Variants in SLC12A3 observed in about 807,000 individuals in gnomAD.
SLC12A3 encodes the protein Na-Cl cotransporter.
Under a neutral mutation model 121.0 loss-of-function variants are expected in SLC12A3, and 104 were observed. That is an observed-to-expected ratio of 0.86 (90% CI 0.73 to 1.01). The LOEUF (loss-of-function observed/expected upper bound fraction) is 1.01, where lower values mean the gene tolerates loss of function less well. Among genes scored for constraint, SLC12A3 ranks in the 50% least tolerant of loss-of-function variants. SLC12A3 has a pLI of 0.00. For missense variants in SLC12A3, 1,328 were observed against 1,356.3 expected, an observed-to-expected ratio of 0.98 and a Z score of 0.33; for synonymous variants, 536 against 533.4, an observed-to-expected ratio of 1.00 and a Z score of -0.07.
intron 18 of SLC12A3, among the ~76,000 whole-genome samples, chr16:56,889,771 G>A (rs937948272): frequency 6.6e-6 from 1 of 152,272 alleles, no homozygotes; most frequent in South Asian, 2.1e-4. Flanking sequence ...CACTGCGCCC[G>A]GCCTCCAGAC....
intron 24 of SLC12A3, among the ~76,000 whole-genome samples, chr16:56,903,675 C>T (rs374091171): frequency 2.0e-5 from 3 of 152,306 alleles, no homozygotes; most frequent in East Asian, 1.9e-4. Flanking sequence ...CATCCGTCCA[C>T]GATCAGTTCC....
Position 56,899,792 on chromosome 16 carries a change from T to A in SLC12A3, c.2720+176T>A, listed in dbSNP as rs534306792. 5.9e-5 allele frequency among the ~76,000 whole-genome samples: 9 copies of A among 152,340 alleles called. No homozygotes were observed. In the South Asian group the frequency reaches 1.9e-3, roughly 32 times the overall value. On this transcript the variant is annotated intron_variant, in intron 23 of 25. Transcript: ENST00000563236. Reference sequence around the variant, plus strand: ...GTGGCTGTGGCCGGGGCCTGTCCCCTCCCTGGGGCTGAGGGGACCACAGGG... The same window carrying A: ...GTGGCTGTGGCCGGGGCCTGTCCCCACCCTGGGGCTGAGGGGACCACAGGG...
intron 25 of SLC12A3, among the ~76,000 whole-genome samples, chr16:56,911,763 G>A (rs748845964): frequency 3.3e-4 from 51 of 152,312 alleles, no homozygotes; most frequent in African/African-American, 1.2e-3. Flanking sequence ...AGGCTGCTGC[G>A]GAGGGAAGAT....
chr16:56,873,520 GGGATT>G (rs1490114100), intron 8 of SLC12A3, among the ~76,000 whole-genome samples: 1 of 148,966 alleles, frequency 6.7e-6, no homozygotes, highest in Non-Finnish European at 1.5e-5. Flanking sequence ...CTGAGTAGCT[GGGATT>G]ACAGGTGCCT....
chr16:56,911,344 G>A (rs1567451768), intron 25 of SLC12A3, among the ~76,000 whole-genome samples: 1 of 131,320 alleles, frequency 7.6e-6, no homozygotes, highest in South Asian at 2.6e-4. Context: ...TGTTTGTTTT[G>A]AGACAGAGTC....
chr16:56,875,745 G>A (rs1252872560), intron 8 of SLC12A3, among the ~76,000 whole-genome samples: 1 of 151,524 alleles, frequency 6.6e-6, no homozygotes, highest in African/African-American at 2.4e-5. Flanking sequence ...GCACACAGCA[G>A]GGAAGAGGTG....
intron 10 of SLC12A3, 55 bp from the exon 11 acceptor site, chr16:56,879,487 G>C (rs2055208218): frequency 7.0e-7 from 1 of 1,432,392 alleles, no homozygotes; most frequent in South Asian, 1.1e-5. Context: ...TGCCACAGAT[G>C]GGGGCTCCTG....
intron 23 of SLC12A3, among the ~76,000 whole-genome samples, chr16:56,900,477 G>A (rs1156284262): frequency 6.6e-6 from 1 of 152,158 alleles, no homozygotes; most frequent in Non-Finnish European, 1.5e-5. Flanking sequence ...CCAGGAAGAA[G>A]AGACAGCAGG....
Position 56,879,054 on chromosome 16 carries a change from C to T in SLC12A3, c.1181-19C>T, listed in dbSNP as rs778792500. 7 of 1,598,026 alleles carry T rather than the reference C, an allele frequency of 4.4e-6. No homozygotes were observed. Among genetic ancestry groups the T allele is most frequent in the South Asian group, 1.1e-5 (1 of 88,730 alleles). On this transcript the variant is annotated intron_variant, in intron 9 of 25. Coordinates refer to ENST00000563236, the MANE Select transcript of SLC12A3 (RefSeq NM_001126108.2). ...AGGAGGGAAGGCAGACCTCCCCATG[C>T]TCTCCTTCCTCCTCTCAGGCTCCTG...
intron 2 of SLC12A3, 74 bp from the exon 3 acceptor site, chr16:56,868,223 A>G (rs1392481154): frequency 2.8e-6 from 4 of 1,410,550 alleles, no homozygotes; most frequent in Non-Finnish European, 4.0e-6. Flanking sequence ...ACCCTGCCAT[A>G]GCAAGGGACA....
intron 22 of SLC12A3, among the ~76,000 whole-genome samples, chr16:56,899,119 G>T (rs189058284): frequency 2.0e-5 from 3 of 152,168 alleles, no homozygotes; most frequent in Admixed American, 2.0e-4. Context: ...CCTGTCTGCC[G>T]CTACCCCCAT....
Position 56,913,564 on chromosome 16 carries a change from C to A in SLC12A3, c.*159C>A. On this transcript the variant is annotated 3_prime_UTR_variant, in exon 26 of 26. Coordinates refer to ENST00000563236, the MANE Select transcript of SLC12A3 (RefSeq NM_001126108.2). ...AAAGATGGTAGATTTCCAAATCTGG[C>A]TGGACTCCACTTCCATGGGACACAT... is the stretch of plus-strand genomic sequence containing the variant. 2 of 763,184 alleles carry A rather than the reference C, an allele frequency of 2.6e-6. No homozygotes were observed. Among genetic ancestry groups the A allele is most frequent in the South Asian group, 1.5e-5 (1 of 67,720 alleles). 47.3% of individuals were successfully genotyped at this position (763,184 alleles called of 1,614,324 possible). A position where few individuals can be genotyped will look rare whatever the true frequency, so the allele number is the denominator to read the frequency against.
chr16:56,874,038 A>G (rs377274524), intron 8 of SLC12A3, among the ~76,000 whole-genome samples: 18 of 152,132 alleles, frequency 1.2e-4, no homozygotes, highest in African/African-American at 4.1e-4. Flanking sequence ...ACCGCCTTCA[A>G]CTATCATCTC....
chr16:56,898,333 A>G (rs1467869169), intron 22 of SLC12A3, among the ~76,000 whole-genome samples: 1 of 152,042 alleles, frequency 6.6e-6, no homozygotes, highest in Non-Finnish European at 1.5e-5. Flanking sequence ...CAGTCGGCTC[A>G]CTGCAAGCTC....
intron 12 of SLC12A3, among the ~76,000 whole-genome samples, chr16:56,881,583 A>T (rs1418667452): frequency 2.6e-5 from 4 of 152,110 alleles, no homozygotes; most frequent in African/African-American, 9.7e-5. Context: ...CCCCAGAAGC[A>T]GGCCCCGAGA....
chr16:56,902,529 G>GT, intron 24 of SLC12A3, 21 bp downstream of exon 24: 1 of 1,159,534 alleles, frequency 8.6e-7, no homozygotes, highest in Non-Finnish European at 1.3e-6. Flanking sequence ...GGGTGGGGGT[G>GT]GGAAACGCGA....
At position 56,885,251 on chromosome 16, in the gene SLC12A3, C is replaced by T. The variant is rs1332462471; in HGVS notation, c.1826-14C>T. 1 of 1,508,572 alleles carries T rather than the reference C, an allele frequency of 6.6e-7. No homozygotes were observed. Among genetic ancestry groups the T allele is most frequent in the Non-Finnish European group, 9.0e-7 (1 of 1,107,700 alleles). The allele number at this position is 1,508,572 out of a possible 1,614,324, so 93.4% of individuals were successfully genotyped here. ...AACTCTGCTCTCACCCCCGTTGCTC[C>T]CTTGCTCTCCCAGAGGTAAATTGGG... On this transcript the variant is annotated splice_polypyrimidine_tract_variant and intron_variant, in intron 14 of 25. Transcript: ENST00000563236.
intron 19 of SLC12A3, among the ~76,000 whole-genome samples, chr16:56,891,477 G>A (rs532672919): frequency 1.9e-4 from 29 of 151,904 alleles, no homozygotes; most frequent in African/African-American, 5.3e-4. Context: ...CTTGGAGTCC[G>A]CGTCTCTTGC....
At chr16:56,893,976 TTTA>T (rs1436164696) in intron 21 of SLC12A3, among the ~76,000 whole-genome samples, 2 of 51,218 alleles carry the variant, frequency 3.9e-5, no homozygotes, top group African/African-American at 1.5e-4. Context: ...TTTTATTTTA[TTTA>T]TTTATTTATT....
Sources: allele counts gnomAD v4.1 joint callset (sites outside exome capture counted in the v4.1 genomes callset), GRCh38; gene constraint gnomAD v4.1.1; transcripts MANE v1.5; gene names NCBI Gene and HGNC (gene_info 2026-07-23, HGNC 2026-07-21).